Variants in FRMD4A observed in about 807,000 individuals in gnomAD.
The protein encoded by FRMD4A is FERM domain containing 4A.
Under a neutral mutation model 129.1 loss-of-function variants are expected in FRMD4A, and 29 were observed. The observed-to-expected ratio is 0.22, with a 90% CI of 0.17 to 0.31. FRMD4A has a LOEUF of 0.31. Among genes scored for constraint, FRMD4A ranks in the 10% least tolerant of loss-of-function variants. The pLI is 1.00. For synonymous variants in FRMD4A, 634 were observed against 571.6 expected, an observed-to-expected ratio of 1.11 and a Z score of -1.56; for missense variants, 1,272 against 1,375.8, an observed-to-expected ratio of 0.92 and a Z score of 1.19.
intron 3 of FRMD4A, among the ~76,000 whole-genome samples, chr10:13,847,668 G>A (rs1021926871): frequency 6.6e-6 from 1 of 152,176 alleles, no homozygotes; most frequent in Admixed American, 6.5e-5. Flanking sequence ...GTGTGGACAA[G>A]GGAAGCCATT....
rs2087535169 is a variant in FRMD4A, at chr10:13,707,093, C to T, written c.780G>A (p.Leu260=). Residue 260 remains leucine (L), a synonymous_variant, in exon 13 of 25, where the codon TTG becomes TTA. Coordinates refer to ENST00000357447, the MANE Select transcript of FRMD4A (RefSeq NM_018027.5). ...KPRKIFQWRQ[L]ENLYFREKKF... ...TCTTTTCTCTGAAGTACAGGTTTTC[C>T]AACTGTCTCCATTGGAATATCTGGA... 1 of 1,579,574 alleles carries T rather than the reference C, an allele frequency of 6.3e-7. No individual in the cohort carries two copies.
intron 2 of FRMD4A, among the ~76,000 whole-genome samples, chr10:14,071,544 C>T (rs1481647194): frequency 6.6e-6 from 1 of 151,882 alleles, no homozygotes; most frequent in African/African-American, 2.4e-5. Flanking sequence ...TATAAAGAAA[C>T]AATTTAGGAA....
chr10:14,159,005 A>G (rs1453611187), intron 2 of FRMD4A, among the ~76,000 whole-genome samples: 2 of 152,230 alleles, frequency 1.3e-5, no homozygotes, highest in Non-Finnish European at 2.9e-5. Flanking sequence ...AGGAGAGTAT[A>G]TAAAGGCAAG....
rs1408874679 is a variant in FRMD4A at position 14,325,254 on chromosome 10, T to C, written c.45+4804A>G. Among the ~76,000 whole-genome samples, 2 of 152,228 alleles carry C rather than the reference T, an allele frequency of 1.3e-5. 1 individual carries two copies. The highest frequency in any genetic ancestry group is 3.8e-4 in the East Asian group (2 of 5,204). On this transcript the variant is annotated intron_variant, in intron 2 of 24. Coordinates refer to ENST00000357447, the MANE Select transcript of FRMD4A (RefSeq NM_018027.5). ...TTCTGAATCTCTTTTCAGGATCTAA[T>C]CTGAATCTATCAGATTAGACCTCTC...
chr10:14,173,568 G>A (rs1262086432), intron 2 of FRMD4A, among the ~76,000 whole-genome samples: 1 of 152,136 alleles, frequency 6.6e-6, no homozygotes, highest in Non-Finnish European at 1.5e-5. Context: ...AGAAGAGGAG[G>A]AGGAAGAGGA....
chr10:13,703,863 G>C (rs1393261724), intron 13 of FRMD4A, among the ~76,000 whole-genome samples: 1 of 152,160 alleles, frequency 6.6e-6, no homozygotes, highest in Non-Finnish European at 1.5e-5. Flanking sequence ...AAATTAGCTG[G>C]GTGTAGTGGC....
rs544979412 is a variant in FRMD4A at position 14,039,386 on chromosome 10, C to CCATT, written c.46-180475_46-180474insAATG. Among the ~76,000 whole-genome samples, 701 of 125,510 alleles carry CCATT rather than the reference C, an allele frequency of 5.6e-3. 5 individuals are homozygous for CCATT. The highest frequency in any genetic ancestry group is 9.6e-3 in the Non-Finnish European group (561 of 58,534). 82.3% of individuals were successfully genotyped at this position (125,510 alleles called of 152,430 possible). A position where few individuals can be genotyped will look rare whatever the true frequency, so the allele number is the denominator to read the frequency against. On this transcript the variant is annotated intron_variant, in intron 2 of 24. Coordinates refer to ENST00000357447, the MANE Select transcript of FRMD4A (RefSeq NM_018027.5). ...TCCGTCCGTCCATCCATCCATCCAT[C>CCATT]CATCCATCCATCCATCCATCCATCT...
chr10:13,884,230 A>ACT (rs2094591906), intron 2 of FRMD4A, among the ~76,000 whole-genome samples: 3 of 129,492 alleles, frequency 2.3e-5, no homozygotes, highest in South Asian at 5.8e-4. Context: ...ACACACACAC[A>ACT]CACACACACA....
chr10:14,026,856 G>C (rs1444540361), intron 2 of FRMD4A, among the ~76,000 whole-genome samples: 2 of 152,212 alleles, frequency 1.3e-5, no homozygotes, highest in South Asian at 2.1e-4. Flanking sequence ...AGGAGACTAG[G>C]GGGAGGGTAT....
At chr10:14,274,510 C>A (rs1845272215) in intron 2 of FRMD4A, among the ~76,000 whole-genome samples, 1 of 152,098 alleles carries the variant, frequency 6.6e-6, no homozygotes, top group African/African-American at 2.4e-5. Flanking sequence ...AACTTGGGGA[C>A]AGGAGGAAGG....
At chr10:14,095,259 C>T (rs1353907676) in intron 2 of FRMD4A, among the ~76,000 whole-genome samples, 1 of 152,178 alleles carries the variant, frequency 6.6e-6, no homozygotes, top group Non-Finnish European at 1.5e-5. Flanking sequence ...CCCACCAGCT[C>T]TTCAGAGTAA....
intron 3 of FRMD4A, among the ~76,000 whole-genome samples, chr10:13,826,414 C>T (rs2093701790): frequency 6.6e-6 from 1 of 152,190 alleles, no homozygotes; most frequent in South Asian, 2.1e-4. Context: ...CCAGTGTCTG[C>T]TCAGAAATAC....
chr10:13,778,412 G>A (rs17153972), intron 6 of FRMD4A, among the ~76,000 whole-genome samples: 2,152 of 152,140 alleles, frequency 0.014, 54 homozygotes, highest in African/African-American at 0.049. Context: ...TAGTGTGCTG[G>A]GTTTGAGCCC....
At chr10:14,166,646 G>A (rs1030863019) in intron 2 of FRMD4A, among the ~76,000 whole-genome samples, 6 of 152,162 alleles carry the variant, frequency 3.9e-5, no homozygotes, top group Non-Finnish European at 8.8e-5. Flanking sequence ...TACACCTGCA[G>A]CTATTCAAAC....
At position 14,330,604 on chromosome 10, in the gene FRMD4A, A is replaced by G. The variant is rs1249161902; in HGVS notation, c.-89T>C. The G allele has an allele frequency of 2.5e-6, 1 of 400,410 alleles. No individual in the cohort carries two copies. Among genetic ancestry groups the G allele is most frequent in the Non-Finnish European group, 4.4e-6 (1 of 227,642 alleles). The allele number at this position is 400,410 out of a possible 1,614,324, so 24.8% of individuals were successfully genotyped here. A position where few individuals can be genotyped will look rare whatever the true frequency, so the allele number is the denominator to read the frequency against. ...CTGAATGTCACAACATACCGCTCGC[A>G]ATCTGGTCAGTGTCTTCTTTGCTGC... is the stretch of plus-strand genomic sequence containing the variant. On this transcript the variant is annotated 5_prime_UTR_variant, in exon 1 of 25. Transcript: ENST00000357447.
chr10:13,654,834 T>A, intron 22 of FRMD4A: 1 of 394,366 alleles, frequency 2.5e-6, no homozygotes, highest in Non-Finnish European at 4.5e-6. Flanking sequence ...ATGGTGACGG[T>A]TTCTACAGCA....
intron 2 of FRMD4A, among the ~76,000 whole-genome samples, chr10:14,124,932 A>G (rs1045114580): frequency 1.3e-5 from 2 of 152,154 alleles, no homozygotes; most frequent in East Asian, 1.9e-4. Context: ...GCAACTACAT[A>G]TGGTTACAGA....
At chr10:13,891,603 C>T in intron 2 of FRMD4A, 1 of 985,374 alleles carries the variant, frequency 1.0e-6, no homozygotes, top group Non-Finnish European at 1.2e-6. Context: ...CCACCGCGAC[C>T]GGGAAACAAA....
Position 13,715,095 on chromosome 10 carries a change from A to C in FRMD4A, c.760-7982T>G, listed in dbSNP as rs77353350. 6.6e-4 allele frequency among the ~76,000 whole-genome samples: 100 copies of C among 152,222 alleles called. 1 individual carries two copies. In the East Asian group the frequency reaches 0.018, roughly 27 times the overall value. Reference sequence around the variant, plus strand: ...GTGCCGCGCTGCCTCATTCACATATATCTCATGCTTTTGTCTCAAATAATC... The same window carrying C: ...GTGCCGCGCTGCCTCATTCACATATCTCTCATGCTTTTGTCTCAAATAATC... On this transcript the variant is annotated intron_variant, in intron 12 of 24. Coordinates refer to ENST00000357447, the MANE Select transcript of FRMD4A (RefSeq NM_018027.5).
Sources: gnomAD v4.1 joint callset for allele counts (sites outside exome capture counted in the v4.1 genomes callset) on GRCh38, gnomAD v4.1.1 for gene constraint, MANE v1.5 for transcripts, NCBI Gene and HGNC (gene_info 2026-07-23, HGNC 2026-07-21) for gene names.